UNC5D: variants seen among roughly 807,000 people sequenced by gnomAD.
The protein encoded by UNC5D is unc-5 netrin receptor D, also known as netrin receptor UNC5D.
UNC5D carries 39 observed loss-of-function variants against 105.4 expected under a neutral mutation model. The ratio of observed to expected loss-of-function variants is 0.37; its 90% CI spans 0.29 to 0.48. The LOEUF is 0.48. Among genes scored for constraint, UNC5D ranks in the 20% least tolerant of loss-of-function variants. The probability of loss-of-function intolerance (pLI) is 0.98; values close to 1 mark genes in which losing one functional copy is unlikely to be tolerated. For synonymous variants in UNC5D, 452 were observed against 450.4 expected, an observed-to-expected ratio of 1.00 and a Z score of -0.04; for missense variants, 991 against 1,202.4, an observed-to-expected ratio of 0.82 and a Z score of 2.60.
intron 1 of UNC5D, among the ~76,000 whole-genome samples, chr8:35,537,432 C>A (rs953785067): frequency 1.3e-5 from 2 of 152,150 alleles, no homozygotes; most frequent in South Asian, 4.1e-4. Context: ...ATAATTCTAA[C>A]ATTTTGGGAG....
chr8:35,624,916 G>A (rs1273539366), intron 4 of UNC5D, among the ~76,000 whole-genome samples: 1 of 152,054 alleles, frequency 6.6e-6, no homozygotes, highest in African/African-American at 2.4e-5. Flanking sequence ...TTAAAATAGG[G>A]CCTTTTCAAT....
intron 16 of UNC5D, among the ~76,000 whole-genome samples, chr8:35,779,880 G>A (rs1802424423): frequency 1.3e-5 from 2 of 152,176 alleles, no homozygotes; most frequent in Admixed American, 6.5e-5. Context: ...GAAGATTCCT[G>A]TCTTTTCCCT....
intron 4 of UNC5D, among the ~76,000 whole-genome samples, chr8:35,599,376 C>A (rs1819696430): frequency 6.6e-6 from 1 of 151,834 alleles, no homozygotes; most frequent in Non-Finnish European, 1.5e-5. Context: ...TGTTTGCATC[C>A]CAAAAAGAAC....
intron 1 of UNC5D, among the ~76,000 whole-genome samples, chr8:35,298,318 C>A (rs965695110): frequency 6.6e-6 from 1 of 152,160 alleles, no homozygotes; most frequent in African/African-American, 2.4e-5. Context: ...CCACTTCACC[C>A]CTAAACTTTG....
intron 1 of UNC5D, among the ~76,000 whole-genome samples, chr8:35,434,714 T>C (rs1018962489): frequency 3.3e-5 from 5 of 152,154 alleles, no homozygotes; most frequent in Admixed American, 2.0e-4. Context: ...AGGAGGCATA[T>C]ATTTTTCATG....
chr8:35,400,786 T>C (rs1804408772), intron 1 of UNC5D, among the ~76,000 whole-genome samples: 1 of 152,166 alleles, frequency 6.6e-6, no homozygotes, highest in Non-Finnish European at 1.5e-5. Flanking sequence ...CTCATTCAGC[T>C]CCACTGGTGG....
intron 15 of UNC5D, among the ~76,000 whole-genome samples, chr8:35,773,441 A>G (rs1008959698): frequency 6.6e-6 from 1 of 152,200 alleles, no homozygotes; most frequent in African/African-American, 2.4e-5. Flanking sequence ...AAATAAAGAT[A>G]CTTATTATAA....
chr8:35,611,812 C>T (rs532516423), intron 4 of UNC5D, among the ~76,000 whole-genome samples: 2 of 152,160 alleles, frequency 1.3e-5, no homozygotes, highest in African/African-American at 4.8e-5. Flanking sequence ...TCCCACACTG[C>T]ACTTTTTTAT....
intron 1 of UNC5D, among the ~76,000 whole-genome samples, chr8:35,427,314 T>G (rs1806318764): frequency 2.0e-5 from 3 of 152,196 alleles, no homozygotes; most frequent in Non-Finnish European, 2.9e-5. Context: ...TAGACACACA[T>G]GTGCATAGAC....
At chr8:35,769,411 A>T (rs1310474371) in intron 15 of UNC5D, among the ~76,000 whole-genome samples, 1 of 152,222 alleles carries the variant, frequency 6.6e-6, no homozygotes, top group Non-Finnish European at 1.5e-5. Flanking sequence ...ACTAGTGACA[A>T]ACATCACAGC....
At chr8:35,620,100 G>A (rs1406076671) in intron 4 of UNC5D, among the ~76,000 whole-genome samples, 2 of 152,134 alleles carry the variant, frequency 1.3e-5, no homozygotes, top group Non-Finnish European at 2.9e-5. Context: ...GTCATTAGAT[G>A]TCCCTGCACC....
At chr8:35,765,672 A>G (rs1173922777) in intron 14 of UNC5D, among the ~76,000 whole-genome samples, 2 of 152,188 alleles carry the variant, frequency 1.3e-5, no homozygotes, top group African/African-American at 4.8e-5. Context: ...AAGTGTGCAC[A>G]TAAGGGCTCG....
Position 35,235,585 on chromosome 8 carries a change from A to C in UNC5D, c.-200A>C. 5 of 384,432 alleles carry C rather than the reference A, an allele frequency of 1.3e-5. No homozygotes were observed. Among genetic ancestry groups the C allele is most frequent in the East Asian group, 4.0e-5 (1 of 25,266 alleles). The allele number at this position is 384,432 out of a possible 1,614,324, so 23.8% of individuals were successfully genotyped here. ...AGCGGTCGCCGCGCCGTGGGAAGCT[A>C]TGGGGACGCGCCCTTTCTCGGGGTG... On this transcript the variant is annotated 5_prime_UTR_variant, in exon 1 of 17. The change abolishes an upstream ATG in the 5' untranslated region. Transcript: ENST00000404895.
intron 3 of UNC5D, among the ~76,000 whole-genome samples, chr8:35,587,061 G>T (rs527244413): frequency 6.6e-5 from 10 of 152,180 alleles, no homozygotes; most frequent in South Asian, 2.1e-4. Context: ...AGGTACTGCT[G>T]ACTCTGGATG....
At chr8:35,296,945 C>T (rs1807538912) in intron 1 of UNC5D, among the ~76,000 whole-genome samples, 1 of 152,164 alleles carries the variant, frequency 6.6e-6, no homozygotes, top group Non-Finnish European at 1.5e-5. Flanking sequence ...AAGTCAGCCA[C>T]ATAATAATAT....
At chr8:35,743,836 A>ACTTC (rs1311641485) in intron 11 of UNC5D, among the ~76,000 whole-genome samples, 31 of 152,198 alleles carry the variant, frequency 2.0e-4, no homozygotes, top group African/African-American at 7.2e-4. Context: ...ATCCCTAGAT[A>ACTTC]CTTCCATGTA....
At chr8:35,749,788 G>T (rs1053627184) in intron 12 of UNC5D, among the ~76,000 whole-genome samples, 1 of 152,004 alleles carries the variant, frequency 6.6e-6, no homozygotes, top group Admixed American at 6.6e-5. Context: ...TACACAGATG[G>T]TGTTATATTT....
intron 1 of UNC5D, among the ~76,000 whole-genome samples, chr8:35,535,437 GTTTTT>G (rs111304147): frequency 2.8e-5 from 4 of 142,476 alleles, no homozygotes; most frequent in African/African-American, 1.0e-4. Flanking sequence ...TGTTGTTGCT[GTTTTT>G]TTTTTTAATT....
At chr8:35,336,055 G>A (rs1001001818) in intron 1 of UNC5D, among the ~76,000 whole-genome samples, 11 of 152,162 alleles carry the variant, frequency 7.2e-5, no homozygotes, top group African/African-American at 2.2e-4. Flanking sequence ...GAACCACCGC[G>A]CCCGGCCGAG....
Sources: gnomAD v4.1 joint callset for allele counts (sites outside exome capture counted in the v4.1 genomes callset) on GRCh38, gnomAD v4.1.1 for gene constraint, MANE v1.5 for transcripts, NCBI Gene and HGNC (gene_info 2026-07-23, HGNC 2026-07-21) for gene names.